The following ESD variants were observed in gnomAD, a reference collection of about 807,000 sequenced individuals.
ESD encodes esterase D, also known as S-formylglutathione hydrolase.
Under a neutral mutation model 38.1 loss-of-function variants are expected in ESD, and 34 were observed. The observed-to-expected ratio is 0.89, with a 90% CI of 0.68 to 1.19. ESD has a LOEUF of 1.19. Among genes scored for constraint, ESD ranks in the 50% most tolerant of loss-of-function variants. ESD has a pLI of 0.00. For synonymous variants in ESD, 97 were observed against 107.0 expected (o/e 0.91, Z 0.58); for missense variants, 334 against 327.2 (o/e 1.02, Z -0.16).
At chr13:46,782,228 C>T (rs948679073) in intron 6 of ESD, among the ~76,000 whole-genome samples, 1 of 151,702 alleles carries the variant, frequency 6.6e-6, no homozygotes, top group Non-Finnish European at 1.5e-5. Flanking sequence ...AAAACTTACA[C>T]TATTGTTTCT....
chr13:46,782,492 G>A (rs1309545195), intron 6 of ESD, among the ~76,000 whole-genome samples, 175 bp downstream of exon 6: 1 of 151,584 alleles, frequency 6.6e-6, no homozygotes, highest in Non-Finnish European at 1.5e-5. Flanking sequence ...TTCTTTAATT[G>A]TACTTAGTGT....
chr13:46,777,332 A>G (rs1178685540), intron 9 of ESD, 124 bp downstream of exon 9: 1 of 664,946 alleles, frequency 1.5e-6, no homozygotes, highest in Non-Finnish European at 2.3e-6. Context: ...AAGTGTCTGA[A>G]TATAATTAAA....
At chr13:46,791,231 G>A in intron 3 of ESD, 115 bp downstream of exon 3, 1 of 707,420 alleles carries the variant, frequency 1.4e-6, no homozygotes, top group Non-Finnish European at 2.4e-6. Flanking sequence ...AAGAGAGTAA[G>A]CAAGTTTAAA....
intron 3 of ESD, among the ~76,000 whole-genome samples, chr13:46,788,158 T>A (rs1875261723): frequency 6.6e-6 from 1 of 152,076 alleles, no homozygotes; most frequent in African/African-American, 2.4e-5. Context: ...TTTCAGTTTT[T>A]TTTGTTTTCA....
chr13:46,794,820 C>T (rs1034104607), intron 1 of ESD, among the ~76,000 whole-genome samples: 1 of 152,136 alleles, frequency 6.6e-6, no homozygotes, highest in Admixed American at 6.5e-5. Context: ...CAGGATCTGG[C>T]TTCTTCCCTT....
chr13:46,780,077 A>T (rs1301885040), intron 7 of ESD, 44 bp from the exon 8 acceptor site: 1 of 1,341,712 alleles, frequency 7.5e-7, no homozygotes, highest in South Asian at 1.3e-5. Context: ...TATTTTGCTA[A>T]ATTAAATATG....
chr13:46,772,042 T>C (rs186801528), intron 9 of ESD, among the ~76,000 whole-genome samples: 1 of 151,968 alleles, frequency 6.6e-6, no homozygotes, highest in Non-Finnish European at 1.5e-5. Context: ...ACAAACAATA[T>C]AGAAAAAGAA....
chr13:46,779,845 A>T, intron 8 of ESD, 90 bp downstream of exon 8: 1 of 837,230 alleles, frequency 1.2e-6, no homozygotes, highest in Non-Finnish European at 1.8e-6. Context: ...GAGCCCTAAC[A>T]TGAGCAGGGT....
intron 4 of ESD, among the ~76,000 whole-genome samples, chr13:46,784,956 C>T (rs1050227855): frequency 6.6e-6 from 1 of 151,936 alleles, no homozygotes; most frequent in Non-Finnish European, 1.5e-5. Flanking sequence ...AATTAAACAT[C>T]GCACTATTTC....
intron 1 of ESD, among the ~76,000 whole-genome samples, chr13:46,796,669 G>A (rs1365690467): frequency 6.6e-6 from 1 of 152,230 alleles, no homozygotes; most frequent in Non-Finnish European, 1.5e-5. Context: ...GCTGCCTAGA[G>A]CAGCAGGTCC....
chr13:46,788,160 T>C lies in ESD; in HGVS notation c.69-1051A>G, dbSNP rs533051615. ...ACTTTCCTTTTTCTTTCAGTTTTTT[T>C]TGTTTTCATTGAGCTGGTAATTCTC... On this transcript the variant is annotated intron_variant, in intron 3 of 9. Coordinates refer to ENST00000378720, the MANE Select transcript of ESD (RefSeq NM_001984.2). 1.4e-4 allele frequency among the ~76,000 whole-genome samples: 21 copies of C among 152,180 alleles called. 1 individual carries two copies. The East Asian group carries it at 3.7e-3, about 27-fold the overall frequency.
At chr13:46,778,233 T>C (rs1342259188) in intron 8 of ESD, among the ~76,000 whole-genome samples, 1 of 151,880 alleles carries the variant, frequency 6.6e-6, no homozygotes, top group Non-Finnish European at 1.5e-5. Context: ...TGCCACTAGT[T>C]ACAATTTTAT....
At chr13:46,786,779 A>T (rs1875207718) in intron 4 of ESD, among the ~76,000 whole-genome samples, 2 of 151,990 alleles carry the variant, frequency 1.3e-5, no homozygotes, top group Admixed American at 1.3e-4. Context: ...CTTGCTATTG[A>T]GTACAGAACT....
rs1021645075 is a variant in ESD at position 46,782,138 on chromosome 13, G to T, written c.382-523C>A. On this transcript the variant is annotated intron_variant, in intron 6 of 9. Coordinates refer to ENST00000378720, the MANE Select transcript of ESD (RefSeq NM_001984.2). Reference sequence around the variant, plus strand: ...AGAAAATAAAAAAGTTTAGAATTACGTGAAAACTAGTCATAGAAACAGTCT... The same window carrying T: ...AGAAAATAAAAAAGTTTAGAATTACTTGAAAACTAGTCATAGAAACAGTCT... 2.0e-5 allele frequency among the ~76,000 whole-genome samples: 3 copies of T among 151,534 alleles called. No homozygotes were observed. In the East Asian group the frequency reaches 5.8e-4, roughly 29 times the overall value.
chr13:46,780,259 G>A (rs1874953834), intron 7 of ESD, among the ~76,000 whole-genome samples: 1 of 151,556 alleles, frequency 6.6e-6, no homozygotes, highest in Admixed American at 6.6e-5. Context: ...GAGCTAATAA[G>A]TATAGTTGCT....
chr13:46,778,110 T>C (rs1874869992), intron 8 of ESD, among the ~76,000 whole-genome samples: 1 of 151,830 alleles, frequency 6.6e-6, no homozygotes, highest in Admixed American at 6.6e-5. Context: ...TCAGCCTTCT[T>C]TTTTGCTGTT....
chr13:46,772,897 G>A (rs1016867193), intron 9 of ESD, among the ~76,000 whole-genome samples: 1 of 152,082 alleles, frequency 6.6e-6, no homozygotes, highest in Non-Finnish European at 1.5e-5. Context: ...TGTTAGCCAG[G>A]ATGGTCTCGA....
chr13:46,775,450 C>T (rs1394396257), intron 9 of ESD: 2 of 274,972 alleles, frequency 7.3e-6, no homozygotes, highest in African/African-American at 2.2e-5. Flanking sequence ...TTATTTTCAG[C>T]TTATTTTTTA....
intron 8 of ESD, among the ~76,000 whole-genome samples, chr13:46,779,533 G>C (rs1381531870): frequency 6.6e-6 from 1 of 150,870 alleles, no homozygotes; most frequent in East Asian, 1.9e-4. Flanking sequence ...GTAATATATG[G>C]TATTTTTAGA....
Sources: allele counts gnomAD v4.1 joint callset (sites outside exome capture counted in the v4.1 genomes callset), GRCh38; gene constraint gnomAD v4.1.1; transcripts MANE v1.5; gene names NCBI Gene and HGNC (gene_info 2026-07-23, HGNC 2026-07-21).